PSD3: variants seen among roughly 807,000 people sequenced by gnomAD.
PSD3 encodes PH and SEC7 domain-containing protein 3.
In PSD3, 49 loss-of-function variants were observed where a neutral mutation model predicts 105.5. The observed-to-expected ratio is 0.46, with a 90% CI of 0.37 to 0.59. The LOEUF (loss-of-function observed/expected upper bound fraction) is 0.59, where lower values mean the gene tolerates loss of function less well. Ranked by LOEUF, PSD3 falls within the 20% of genes least tolerant of loss-of-function variation. PSD3 has a pLI of 0.00. For missense variants in PSD3, 1,561 were observed against 1,263.8 expected, an observed-to-expected ratio of 1.24 and a Z score of -3.57; for synonymous variants, 557 against 457.8, an observed-to-expected ratio of 1.22 and a Z score of -2.77.
At chr8:18,701,615 C>T (rs1156333487) in intron 9 of PSD3, among the ~76,000 whole-genome samples, 2 of 152,026 alleles carry the variant, frequency 1.3e-5, no homozygotes, top group Non-Finnish European at 2.9e-5. Context: ...TTGAAGGAAA[C>T]AAAAAAGTGG....
intron 10 of PSD3, among the ~76,000 whole-genome samples, chr8:18,633,213 G>A (rs1333935035): frequency 6.6e-6 from 1 of 151,974 alleles, no homozygotes; most frequent in Non-Finnish European, 1.5e-5. Flanking sequence ...TTTGACTTAC[G>A]TATTTCTACA....
intron 15 of PSD3, among the ~76,000 whole-genome samples, chr8:18,546,504 T>C (rs1440330857): frequency 2.6e-5 from 4 of 152,144 alleles, no homozygotes; most frequent in African/African-American, 9.7e-5. Flanking sequence ...ATGCTGCAGG[T>C]GTAAAACAAA....
At chr8:18,679,482 G>A (rs1800262950) in intron 9 of PSD3, among the ~76,000 whole-genome samples, 1 of 152,196 alleles carries the variant, frequency 6.6e-6, no homozygotes, top group Non-Finnish European at 1.5e-5. Context: ...AGTACAGGAA[G>A]AGGTTTATTC....
chr8:18,719,038 G>C (rs148312773), intron 9 of PSD3, among the ~76,000 whole-genome samples: 4 of 152,338 alleles, frequency 2.6e-5, no homozygotes, highest in African/African-American at 9.6e-5. Flanking sequence ...TGATAACAGA[G>C]TTATCCTAGA....
At chr8:19,073,500 G>A (rs1301702889) in intron 1 of PSD3, among the ~76,000 whole-genome samples, 5 of 134,436 alleles carry the variant, frequency 3.7e-5, no homozygotes, top group South Asian at 2.4e-4. Flanking sequence ...GCAGTGAGCC[G>A]AGATCACGAC....
intron 1 of PSD3, among the ~76,000 whole-genome samples, chr8:19,078,656 C>T (rs769636951): frequency 5.3e-5 from 8 of 151,956 alleles, no homozygotes; most frequent in Non-Finnish European, 8.8e-5. Context: ...ATGTGAGCCG[C>T]ACCTACCTCT....
At chr8:18,547,579 T>C (rs530614685) in intron 15 of PSD3, among the ~76,000 whole-genome samples, 8 of 152,348 alleles carry the variant, frequency 5.3e-5, no homozygotes, top group Admixed American at 4.6e-4. Context: ...GGAATCTCAC[T>C]ACTCTCTTGC....
intron 1 of PSD3, among the ~76,000 whole-genome samples, chr8:19,044,134 C>T (rs1529348): frequency 0.71 from 108,433 of 152,156 alleles, 39,419 homozygotes; most frequent in African/African-American, 0.87. Context: ...ATGAGCTCTA[C>T]GAATCTGCTT....
At chr8:18,841,880 A>T (rs1814655234) in intron 4 of PSD3, among the ~76,000 whole-genome samples, 1 of 152,184 alleles carries the variant, frequency 6.6e-6, no homozygotes, top group South Asian at 2.1e-4. Context: ...TTCATTAAAG[A>T]CTTTAAAAAA....
In PSD3 at chr8:18,535,917, T is replaced by G; in HGVS notation, c.2970A>C (p.Gly990=). ...CATCGTTACTCAGTAGCTCTTTGCC[T>G]CCTTCCTTGAGAATGCTGACATACA... The part of the protein sequence containing the change: ...YEMYVSILKE[G]GKELLSNDES... The change falls in exon 16 of 16, where the codon GGA becomes GGC. Residue 990 remains glycine (G), a synonymous_variant. Coordinates refer to ENST00000327040, the MANE Select transcript of PSD3 (RefSeq NM_015310.4). 1 of 1,614,186 alleles carries G rather than the reference T, an allele frequency of 6.2e-7. No homozygotes were observed. The highest frequency in any genetic ancestry group is 8.5e-7 in the Non-Finnish European group (1 of 1,180,034).
At chr8:18,541,763 TTTTTGAGATGGAG>T (rs1427008871) in intron 15 of PSD3, among the ~76,000 whole-genome samples, 1 of 151,912 alleles carries the variant, frequency 6.6e-6, no homozygotes, top group East Asian at 1.9e-4. Context: ...TTTTTTTTTT[TTTTTGAGATGGAG>T]TTTCGCTGTT....
intron 1 of PSD3, among the ~76,000 whole-genome samples, chr8:19,025,315 A>C (rs959232488): frequency 6.6e-6 from 1 of 152,206 alleles, no homozygotes; most frequent in Non-Finnish European, 1.5e-5. Flanking sequence ...ATCTTCATGA[A>C]TAATCCACCC....
intron 1 of PSD3, among the ~76,000 whole-genome samples, chr8:18,992,089 C>G (rs1825835845): frequency 6.6e-6 from 1 of 152,092 alleles, no homozygotes; most frequent in South Asian, 2.1e-4. Context: ...CCAAACCAGT[C>G]TATGGTAGAA....
chr8:18,951,615 G>A (rs980057168), intron 1 of PSD3, among the ~76,000 whole-genome samples: 6 of 152,102 alleles, frequency 3.9e-5, no homozygotes, highest in Non-Finnish European at 7.4e-5. Flanking sequence ...TTTTATCAAT[G>A]GCTTCAAATT....
intron 12 of PSD3, among the ~76,000 whole-genome samples, chr8:18,578,268 C>T (rs1802581956): frequency 1.3e-5 from 2 of 152,062 alleles, no homozygotes; most frequent in Non-Finnish European, 2.9e-5. Flanking sequence ...CTTATTCTCC[C>T]TTATGTAACC....
At chr8:18,653,100 T>G (rs924755879) in intron 10 of PSD3, among the ~76,000 whole-genome samples, 1 of 152,194 alleles carries the variant, frequency 6.6e-6, no homozygotes, top group African/African-American at 2.4e-5. Flanking sequence ...CAAGACTTAG[T>G]TGACCCATAA....
intron 1 of PSD3, among the ~76,000 whole-genome samples, chr8:19,034,127 C>G (rs1056816123): frequency 3.3e-5 from 5 of 152,114 alleles, no homozygotes; most frequent in African/African-American, 1.2e-4. Context: ...CAGAGGAAAA[C>G]CTGGCAGAGA....
At chr8:18,610,787 A>T (rs539971089) in intron 11 of PSD3, among the ~76,000 whole-genome samples, 2 of 152,204 alleles carry the variant, frequency 1.3e-5, no homozygotes, top group African/African-American at 4.8e-5. Flanking sequence ...CTCTATTCCT[A>T]TAAGAGGTCT....
chr8:18,741,432 T>A (rs965701229), intron 9 of PSD3, among the ~76,000 whole-genome samples: 7 of 152,206 alleles, frequency 4.6e-5, no homozygotes, highest in Admixed American at 6.5e-5. Context: ...ATCTCAACTT[T>A]ACAACAGTGG....
Sources: gnomAD v4.1 joint callset for allele counts (sites outside exome capture counted in the v4.1 genomes callset) on GRCh38, gnomAD v4.1.1 for gene constraint, MANE v1.5 for transcripts, NCBI Gene and HGNC (gene_info 2026-07-23, HGNC 2026-07-21) for gene names.